Variants in GRIN2A observed in about 807,000 individuals in gnomAD.
GRIN2A encodes glutamate receptor ionotropic, NMDA 2A.
A neutral mutation model predicts 113.4 loss-of-function variants in GRIN2A; 22 were observed. That is an observed-to-expected ratio of 0.19 (90% CI 0.14 to 0.28). GRIN2A has a LOEUF of 0.28. Ranked by LOEUF, GRIN2A falls within the 10% of genes least tolerant of loss-of-function variation. The pLI is 1.00. For missense variants in GRIN2A, 1,502 were observed against 1,887.0 expected (o/e 0.80, Z 3.78); for synonymous variants, 827 against 738.4 (o/e 1.12, Z -1.94).
intron 2 of GRIN2A, among the ~76,000 whole-genome samples, chr16:10,136,163 T>G (rs913055038): frequency 8.5e-5 from 13 of 152,152 alleles, no homozygotes; most frequent in African/African-American, 2.9e-4. Context: ...TTCTGAAGGT[T>G]TCCTATTGAA....
intron 4 of GRIN2A, among the ~76,000 whole-genome samples, chr16:9,863,742 G>C (rs2043112725): frequency 6.6e-6 from 1 of 152,168 alleles, no homozygotes. Context: ...GCCTTAGAAA[G>C]GAGGATTTCA....
chr16:9,768,126 T>C (rs1055487272), intron 12 of GRIN2A, among the ~76,000 whole-genome samples: 27 of 152,336 alleles, frequency 1.8e-4, no homozygotes, highest in Non-Finnish European at 2.5e-4. Context: ...AGTGGCGCTA[T>C]CTTGGCTCAC....
intron 2 of GRIN2A, among the ~76,000 whole-genome samples, chr16:10,043,792 C>G (rs2047207496): frequency 6.6e-6 from 1 of 151,870 alleles, no homozygotes; most frequent in East Asian, 1.9e-4. Flanking sequence ...TTGTTCAGCC[C>G]CTGAGCCTAG....
At chr16:9,814,747 C>T (rs1449862374) in intron 10 of GRIN2A, among the ~76,000 whole-genome samples, 1 of 152,126 alleles carries the variant, frequency 6.6e-6, no homozygotes, top group Non-Finnish European at 1.5e-5. Flanking sequence ...TGGCCGGGTG[C>T]GGTGGCTCAG....
chr16:10,003,788 A>C (rs2046360998), intron 2 of GRIN2A, among the ~76,000 whole-genome samples: 1 of 152,242 alleles, frequency 6.6e-6, no homozygotes, highest in East Asian at 1.9e-4. Context: ...AGGTCATTAA[A>C]GCAAAGACAC....
At chr16:9,775,513 T>C (rs1901539859) in intron 11 of GRIN2A, among the ~76,000 whole-genome samples, 1 of 152,162 alleles carries the variant, frequency 6.6e-6, no homozygotes, top group African/African-American at 2.4e-5. Flanking sequence ...GAGACAGTCA[T>C]GAAAACCAGT....
At position 9,818,081 on chromosome 16, in the gene GRIN2A, C is replaced by T. The variant is rs549274637; in HGVS notation, c.2168+4183G>A. 1.1e-4 allele frequency among the ~76,000 whole-genome samples: 16 copies of T among 151,108 alleles called. No individual in the cohort carries two copies. The South Asian group carries it at 3.4e-3, about 32-fold the overall frequency. On this transcript the variant is annotated intron_variant, in intron 10 of 12. Coordinates refer to ENST00000330684, the MANE Select transcript of GRIN2A (RefSeq NM_001134407.3). Reference sequence around the variant, plus strand: ...AGATTTCATTGTATTATTATTATTCCTTAAACAGCAATATATTTCATAATG... The same window carrying T: ...AGATTTCATTGTATTATTATTATTCTTTAAACAGCAATATATTTCATAATG...
chr16:9,780,871 CA>C (rs1225659438), intron 11 of GRIN2A, among the ~76,000 whole-genome samples: 2 of 151,774 alleles, frequency 1.3e-5, no homozygotes, highest in African/African-American at 4.8e-5. Flanking sequence ...TATTTCTTTA[CA>C]AAAAGAGAAA....
At chr16:10,098,093 A>G (rs2048326988) in intron 2 of GRIN2A, among the ~76,000 whole-genome samples, 1 of 151,374 alleles carries the variant, frequency 6.6e-6, no homozygotes, top group Non-Finnish European at 1.5e-5. Context: ...AATTAGCAAG[A>G]AAAAAAAACA....
intron 10 of GRIN2A, among the ~76,000 whole-genome samples, chr16:9,806,851 C>G (rs1169268367): frequency 6.6e-6 from 1 of 151,924 alleles, no homozygotes; most frequent in African/African-American, 2.4e-5. Flanking sequence ...TGTCTGTGTG[C>G]CCACCCAAAT....
At chr16:9,929,341 G>C (rs925933700) in intron 3 of GRIN2A, among the ~76,000 whole-genome samples, 3 of 152,144 alleles carry the variant, frequency 2.0e-5, no homozygotes, top group African/African-American at 7.2e-5. Flanking sequence ...CTGACTCTCT[G>C]TTCCCCAACA....
rs185775814 is a variant in GRIN2A at position 9,818,684 on chromosome 16, G to A, written c.2168+3580C>T. On this transcript the variant is annotated intron_variant, in intron 10 of 12. Transcript: ENST00000330684. ...TATAAATATGGCCAAAATTTACTGA[G>A]AAAAGTGCAAATTTATATCTCAGCA... 4.5e-3 allele frequency among the ~76,000 whole-genome samples: 680 copies of A among 152,270 alleles called. 5 individuals are homozygous for A. Among genetic ancestry groups the A allele is most frequent in the African/African-American group, 0.015 (640 of 41,546 alleles).
intron 2 of GRIN2A, among the ~76,000 whole-genome samples, chr16:9,984,473 T>C (rs1172794265): frequency 6.6e-6 from 1 of 152,238 alleles, no homozygotes; most frequent in African/African-American, 2.4e-5. Flanking sequence ...TCTAGCAGTT[T>C]CACAGTTTTA....
chr16:10,134,419 T>C (rs2049146215), intron 2 of GRIN2A, among the ~76,000 whole-genome samples: 1 of 147,988 alleles, frequency 6.8e-6, no homozygotes, highest in Non-Finnish European at 1.5e-5. Flanking sequence ...TAGGTGATAA[T>C]TGAACAATGA....
At chr16:9,960,026 A>C (rs1485470152) in intron 2 of GRIN2A, among the ~76,000 whole-genome samples, 1 of 152,162 alleles carries the variant, frequency 6.6e-6, no homozygotes, top group African/African-American at 2.4e-5. Context: ...AACTCACTGA[A>C]ACCACATAAT....
intron 2 of GRIN2A, among the ~76,000 whole-genome samples, chr16:10,091,295 A>G (rs2048179017): frequency 6.6e-6 from 1 of 152,182 alleles, no homozygotes; most frequent in Admixed American, 6.5e-5. Flanking sequence ...AATAACCCAA[A>G]TACCCATGAG....
At chr16:10,163,898 A>G (rs1596568157) in intron 2 of GRIN2A, among the ~76,000 whole-genome samples, 2 of 152,234 alleles carry the variant, frequency 1.3e-5, no homozygotes, top group South Asian at 2.1e-4. Context: ...TGGGGATTCA[A>G]TCAGACTGGT....
At chr16:9,951,732 T>C (rs1186124218) in intron 2 of GRIN2A, among the ~76,000 whole-genome samples, 2 of 152,220 alleles carry the variant, frequency 1.3e-5, no homozygotes, top group Non-Finnish European at 2.9e-5. Flanking sequence ...TGTCAGCCTC[T>C]GAAAAGTGTC....
intron 2 of GRIN2A, among the ~76,000 whole-genome samples, chr16:10,115,338 A>G (rs1367072285): frequency 6.6e-6 from 1 of 152,160 alleles, no homozygotes; most frequent in Non-Finnish European, 1.5e-5. Flanking sequence ...GTTACTTGCT[A>G]TACCATCAAC....
Sources: allele counts gnomAD v4.1 joint callset (sites outside exome capture counted in the v4.1 genomes callset), GRCh38; gene constraint gnomAD v4.1.1; transcripts MANE v1.5; gene names NCBI Gene and HGNC (gene_info 2026-07-23, HGNC 2026-07-21).